Variants in RNF17 observed in about 807,000 individuals in gnomAD.
RNF17 encodes ring finger protein 17.
RNF17 carries 31 observed loss-of-function variants against 200.5 expected under a neutral mutation model. That is an observed-to-expected ratio of 0.15 (90% confidence interval 0.12 to 0.21). RNF17 has a LOEUF of 0.21. Among genes scored for constraint, RNF17 ranks in the 10% least tolerant of loss-of-function variants. The pLI is 1.00. For missense variants in RNF17, 1,628 were observed against 1,905.1 expected (o/e 0.85, Z 2.71); for synonymous variants, 606 against 637.8 (o/e 0.95, Z 0.75).
chr13:24,768,032 C>G (rs554644944), intron 2 of RNF17, among the ~76,000 whole-genome samples: 3 of 152,230 alleles, frequency 2.0e-5, no homozygotes, highest in African/African-American at 4.8e-5. Context: ...TGAACTCCCC[C>G]CCTGCCCCTC....
intron 10 of RNF17, 126 bp from the exon 11 acceptor site, chr13:24,796,011 C>T (rs1163753694): frequency 9.1e-6 from 5 of 552,364 alleles, no homozygotes; most frequent in South Asian, 4.2e-5. Context: ...CTGGGGCCGA[C>T]GTGCGATATT....
chr13:24,853,234 C>T (rs1737784147), intron 24 of RNF17, among the ~76,000 whole-genome samples: 1 of 151,980 alleles, frequency 6.6e-6, no homozygotes, highest in Non-Finnish European at 1.5e-5. Flanking sequence ...TTTAAAAGTA[C>T]AGGAGATGAG....
intron 15 of RNF17, among the ~76,000 whole-genome samples, chr13:24,816,623 G>A (rs1887439123): frequency 6.6e-6 from 1 of 152,176 alleles, no homozygotes; most frequent in African/African-American, 2.4e-5. Context: ...TCTTATCTGT[G>A]ATTAACAAAA....
intron 19 of RNF17, among the ~76,000 whole-genome samples, chr13:24,843,133 T>C (rs1890838516): frequency 6.6e-6 from 1 of 152,208 alleles, no homozygotes; most frequent in Non-Finnish European, 1.5e-5. Context: ...GCTTTCCTGC[T>C]CACTCCCATG....
At chr13:24,756,172 C>A in the RNF17 span, among the ~76,000 whole-genome samples, 1 of 151,984 alleles carries the variant, frequency 6.6e-6, no homozygotes, top group African/African-American at 2.4e-5. Flanking sequence ...ATGTAAATAT[C>A]TTTTTTACTT....
chr13:24,882,695 A>ATAAT (rs1210302121), downstream of RNF17: 1 of 158,692 alleles, frequency 6.3e-6, no homozygotes, highest in African/African-American at 2.4e-5. Context: ...TTCTGTTATA[A>ATAAT]TAATTAATGA....
intron 15 of RNF17, among the ~76,000 whole-genome samples, chr13:24,823,930 A>G (rs1409529438): frequency 6.6e-6 from 1 of 152,220 alleles, no homozygotes; most frequent in Admixed American, 6.5e-5. Flanking sequence ...AACAAAAACT[A>G]GCTCTTTGCA....
the RNF17 span, chr13:24,886,217 A>T: frequency 1.2e-6 from 1 of 859,622 alleles, no homozygotes; most frequent in Non-Finnish European, 1.7e-6. Context: ...CCAATGGATC[A>T]TATTGTAAAC....
intron 15 of RNF17, among the ~76,000 whole-genome samples, chr13:24,810,540 C>T (rs1246719463): frequency 6.8e-6 from 1 of 146,730 alleles, no homozygotes; most frequent in Non-Finnish European, 1.5e-5. Flanking sequence ...TGTGTCTCTG[C>T]ACATGAGATG....
intron 1 of RNF17, among the ~76,000 whole-genome samples, chr13:24,766,374 AAAAC>A (rs1879695367): frequency 6.6e-6 from 1 of 152,266 alleles, no homozygotes; most frequent in Non-Finnish European, 1.5e-5. Flanking sequence ...TTATATAGCT[AAAAC>A]AAATGTTATT....
At chr13:24,789,990 A>C (rs1290340552) in intron 9 of RNF17, among the ~76,000 whole-genome samples, 16 of 152,178 alleles carry the variant, frequency 1.1e-4, no homozygotes, top group Admixed American at 1.0e-3. Flanking sequence ...AGATTGATTC[A>C]GTCAGCAAGC....
chr13:24,763,808 C>A (rs988906198), upstream of RNF17, among the ~76,000 whole-genome samples: 2 of 152,124 alleles, frequency 1.3e-5, no homozygotes, highest in Non-Finnish European at 2.9e-5. Context: ...GCCCTGGATG[C>A]CCGAAGCACA....
chr13:24,783,891 G>C (rs1423062721), intron 6 of RNF17, among the ~76,000 whole-genome samples: 1 of 152,046 alleles, frequency 6.6e-6, no homozygotes, highest in African/African-American at 2.4e-5. Flanking sequence ...TAATTGCTTT[G>C]GCTAGAACTT....
chr13:24,751,514 C>T, the RNF17 span: 1 of 152,114 alleles, frequency 6.6e-6, no homozygotes, highest in Non-Finnish European at 1.5e-5. Flanking sequence ...AGATGTTTTA[C>T]AGGAGACACT....
intron 16 of RNF17, among the ~76,000 whole-genome samples, chr13:24,827,720 A>AAAAAAAAAC (rs1888878362): frequency 6.8e-6 from 1 of 147,748 alleles, no homozygotes; most frequent in African/African-American, 2.5e-5. Flanking sequence ...AAAAAAAACA[A>AAAAAAAAAC]AAAAAAAAAA....
the RNF17 span, chr13:24,885,247 AATTC>A: frequency 2.2e-6 from 3 of 1,382,128 alleles, no homozygotes; most frequent in Non-Finnish European, 3.1e-6. Flanking sequence ...TTTTTTATAG[AATTC>A]ATTATTTCAA....
At chr13:24,847,174 G>A (rs188143110) in intron 22 of RNF17, among the ~76,000 whole-genome samples, 6 of 151,992 alleles carry the variant, frequency 3.9e-5, no homozygotes, top group South Asian at 2.1e-4. Context: ...TGTGCTTTAC[G>A]TGTGTTAGTT....
chr13:24,881,372 C>T (rs1953809317), downstream of RNF17, among the ~76,000 whole-genome samples: 1 of 152,012 alleles, frequency 6.6e-6, no homozygotes, highest in Non-Finnish European at 1.5e-5. Flanking sequence ...AACTCCTGAC[C>T]TCAAGTGATC....
chr13:24,858,338 T>G (rs1296443453), intron 25 of RNF17, among the ~76,000 whole-genome samples: 1 of 152,208 alleles, frequency 6.6e-6, no homozygotes, highest in Non-Finnish European at 1.5e-5. Context: ...AGTAGCCTGT[T>G]ATCTGCCAGG....
Sources: gnomAD v4.1 joint callset for allele counts (sites outside exome capture counted in the v4.1 genomes callset) on GRCh38, gnomAD v4.1.1 for gene constraint, MANE v1.5 for transcripts, NCBI Gene and HGNC (gene_info 2026-07-23, HGNC 2026-07-21) for gene names.